The following GRIK2 variants were observed in gnomAD, a reference collection of about 807,000 sequenced individuals.
GRIK2 encodes glutamate receptor ionotropic, kainate 2.
Under a neutral mutation model 100.3 loss-of-function variants are expected in GRIK2, and 32 were observed. The observed-to-expected ratio is 0.32, with a 90% confidence interval of 0.24 to 0.43. GRIK2 has a LOEUF of 0.43. Ranked by LOEUF, GRIK2 falls within the 20% of genes least tolerant of loss-of-function variation. The pLI is 1.00. For synonymous variants in GRIK2, 417 were observed against 389.4 expected, an observed-to-expected ratio of 1.07 and a Z score of -0.83; for missense variants, 843 against 1,114.9, an observed-to-expected ratio of 0.76 and a Z score of 3.47.
intron 7 of GRIK2, among the ~76,000 whole-genome samples, chr6:101,774,818 AATAGG>A (rs1481317715): frequency 6.6e-6 from 1 of 152,100 alleles, no homozygotes; most frequent in Admixed American, 6.6e-5. Flanking sequence ...AGTAAAAACA[AATAGG>A]ATTTTCTGCT....
intron 7 of GRIK2, among the ~76,000 whole-genome samples, chr6:101,715,081 T>C (rs971515156): frequency 5.9e-5 from 9 of 151,740 alleles, no homozygotes; most frequent in Non-Finnish European, 1.2e-4. Flanking sequence ...AAAAAAAATA[T>C]AGGCTTTGCC....
At chr6:101,734,556 C>G (rs910506586) in intron 7 of GRIK2, among the ~76,000 whole-genome samples, 1 of 152,134 alleles carries the variant, frequency 6.6e-6, no homozygotes, top group Non-Finnish European at 1.5e-5. Flanking sequence ...CACCAAGAAT[C>G]ATGTTTGTCA....
chr6:102,021,245 T>C (rs1562117455), intron 14 of GRIK2, among the ~76,000 whole-genome samples: 2 of 151,862 alleles, frequency 1.3e-5, no homozygotes, highest in South Asian at 4.1e-4. Context: ...CCCTAGTTAT[T>C]AAGTGTCAGA....
chr6:101,995,674 A>G (rs552896493), intron 14 of GRIK2, among the ~76,000 whole-genome samples: 1 of 151,942 alleles, frequency 6.6e-6, no homozygotes, highest in Non-Finnish European at 1.5e-5. Context: ...GAGTATGTAT[A>G]TATAATACAT....
chr6:101,707,602 G>GTATA (rs1773420780), intron 7 of GRIK2, among the ~76,000 whole-genome samples: 1 of 127,316 alleles, frequency 7.9e-6, no homozygotes, highest in African/African-American at 3.3e-5. Flanking sequence ...GTGTATATAT[G>GTATA]TGTGTATATA....
chr6:101,833,397 A>AT (rs35157977), intron 10 of GRIK2, among the ~76,000 whole-genome samples: 260 of 151,168 alleles, frequency 1.7e-3, no homozygotes, highest in Non-Finnish European at 2.5e-3. Flanking sequence ...TGCCCGGCTA[A>AT]TTTTTTTTTG....
intron 2 of GRIK2, among the ~76,000 whole-genome samples, chr6:101,460,818 CACAA>C (rs962189565): frequency 3.9e-5 from 6 of 152,140 alleles, no homozygotes; most frequent in African/African-American, 1.4e-4. Flanking sequence ...AGAGGACATT[CACAA>C]TCAGTCATTT....
chr6:101,627,419 G>A (rs1425475452), intron 4 of GRIK2, among the ~76,000 whole-genome samples: 2 of 152,122 alleles, frequency 1.3e-5, no homozygotes, highest in Non-Finnish European at 2.9e-5. Flanking sequence ...TGGGATTACA[G>A]GTGTGAGCCA....
rs550981089 is a variant in GRIK2 at position 101,565,070 on chromosome 6, A to G, written c.116-56879A>G. On this transcript the variant is annotated intron_variant, in intron 2 of 16. Coordinates refer to ENST00000369134, the MANE Select transcript of GRIK2 (RefSeq NM_021956.5). The stretch of plus-strand genomic sequence containing the variant: ...GAGGAATATATTTAACATAATGTAC[A>G]GGGGCTGGATTGTCCTGAAAGATGT... 3.3e-5 allele frequency among the ~76,000 whole-genome samples: 5 copies of G among 152,242 alleles called. No individual in the cohort carries two copies. In the South Asian group the frequency reaches 1.0e-3, roughly 32 times the overall value.
chr6:101,798,042 CT>C lies in GRIK2; in HGVS notation c.952-1591del, dbSNP rs1246612198. ...TTTGGTCATTCAGTAGATTTCCACTCTTTTTTTTTTTTTTTCTAAAAACAAA... is the reference window on the plus strand; with the variant it reads ...TTTGGTCATTCAGTAGATTTCCACTCTTTTTTTTTTTTTTCTAAAAACAAA... On this transcript the variant is annotated intron_variant, in intron 7 of 16. Coordinates refer to ENST00000369134, the MANE Select transcript of GRIK2 (RefSeq NM_021956.5). Among the ~76,000 whole-genome samples, 1,312 of 133,284 alleles carry C rather than the reference CT, an allele frequency of 9.8e-3. 4 individuals carry two copies. Among genetic ancestry groups the C allele is most frequent in the Admixed American group, 0.014 (185 of 12,960 alleles). The allele number at this position is 133,284 out of a possible 152,430, so 87.4% of individuals were successfully genotyped here. A position where few individuals can be genotyped will look rare whatever the true frequency, so the allele number is the denominator to read the frequency against.
intron 10 of GRIK2, 113 bp from the exon 11 acceptor site, chr6:101,859,174 G>T: frequency 3.4e-6 from 2 of 590,300 alleles, no homozygotes; most frequent in Non-Finnish European, 6.0e-6. Context: ...AAATAAAGTT[G>T]ACTGTTGTCC....
At chr6:102,045,823 A>T (rs1770858585) in intron 15 of GRIK2, among the ~76,000 whole-genome samples, 1 of 152,136 alleles carries the variant, frequency 6.6e-6, no homozygotes, top group African/African-American at 2.4e-5. Context: ...TTTAAAAAGC[A>T]ATGAATAAAA....
At chr6:101,926,212 T>TG (rs1789887046) in intron 13 of GRIK2, among the ~76,000 whole-genome samples, 1 of 149,510 alleles carries the variant, frequency 6.7e-6, no homozygotes, top group African/African-American at 2.5e-5. Flanking sequence ...TTTTTTTTTT[T>TG]TTTTTTTCCC....
At chr6:101,516,010 GT>G (rs1774565528) in intron 2 of GRIK2, among the ~76,000 whole-genome samples, 1 of 152,000 alleles carries the variant, frequency 6.6e-6, no homozygotes, top group Admixed American at 6.6e-5. Flanking sequence ...GTCTGCAAGG[GT>G]TTTTTCAATG....
At position 101,733,294 on chromosome 6, in the gene GRIK2, G is replaced by T. The variant is rs537790336; in HGVS notation, c.951+46941G>T. On this transcript the variant is annotated intron_variant, in intron 7 of 16. Transcript: ENST00000369134. ...CTTTTTATATGAACCTGTGAAGTCAGACAAATTATATGCTTTCAGAATACA... is the reference window on the plus strand; with the variant it reads ...CTTTTTATATGAACCTGTGAAGTCATACAAATTATATGCTTTCAGAATACA... 4.5e-4 allele frequency among the ~76,000 whole-genome samples: 68 copies of T among 152,194 alleles called. 1 individual carries two copies. Among genetic ancestry groups the T allele is most frequent in the African/African-American group, 1.6e-3 (67 of 41,544 alleles).
At chr6:101,873,612 G>A (rs1785587327) in intron 11 of GRIK2, among the ~76,000 whole-genome samples, 4 of 152,028 alleles carry the variant, frequency 2.6e-5, no homozygotes. Context: ...TATATACCCA[G>A]TAATGGGATG....
chr6:101,617,661 T>A (rs1779957560), intron 2 of GRIK2, among the ~76,000 whole-genome samples: 1 of 151,840 alleles, frequency 6.6e-6, no homozygotes, highest in African/African-American at 2.4e-5. Context: ...CAAATTGTGG[T>A]TTAAATTTTC....
chr6:101,989,720 TAA>T (rs1794248794), intron 14 of GRIK2, among the ~76,000 whole-genome samples: 1 of 151,594 alleles, frequency 6.6e-6, no homozygotes, highest in African/African-American at 2.4e-5. Flanking sequence ...ACCATGGAGC[TAA>T]AAAGTTTTAT....
At chr6:101,758,230 A>T (rs1047056307) in intron 7 of GRIK2, among the ~76,000 whole-genome samples, 1 of 152,234 alleles carries the variant, frequency 6.6e-6, no homozygotes, top group Non-Finnish European at 1.5e-5. Flanking sequence ...CTTAAAATAA[A>T]TTAAAAATTA....
Sources: allele counts gnomAD v4.1 joint callset (sites outside exome capture counted in the v4.1 genomes callset), GRCh38; gene constraint gnomAD v4.1.1; transcripts MANE v1.5; gene names NCBI Gene and HGNC (gene_info 2026-07-23, HGNC 2026-07-21).